Variants in SNX24 observed in about 807,000 individuals in gnomAD.
The protein encoded by SNX24 is sorting nexin 24, also known as sorting nexin-24.
In SNX24, 22 loss-of-function variants were observed where a neutral mutation model predicts 28.7. That is an observed-to-expected ratio of 0.77 (90% CI 0.55 to 1.10). The LOEUF is 1.10. Ranked by LOEUF, SNX24 falls within the 50% of genes least tolerant of loss-of-function variation. SNX24 has a pLI of 0.00. For synonymous variants in SNX24, 69 were observed against 71.5 expected (o/e 0.96, Z 0.18); for missense variants, 221 against 201.1 (o/e 1.10, Z -0.60).
intron 3 of SNX24, among the ~76,000 whole-genome samples, chr5:122,947,076 G>A (rs1340412566): frequency 6.6e-6 from 1 of 152,154 alleles, no homozygotes; most frequent in African/African-American, 2.4e-5. Flanking sequence ...GGGGAATCTT[G>A]GCTCTTAAAA....
intron 1 of SNX24, among the ~76,000 whole-genome samples, chr5:122,929,680 A>G (rs1327024090): frequency 6.6e-6 from 1 of 152,106 alleles, no homozygotes; most frequent in Non-Finnish European, 1.5e-5. Context: ...ATGCTTTGAC[A>G]CTATCACTAA....
chr5:122,984,536 C>T (rs1412030002), intron 3 of SNX24, among the ~76,000 whole-genome samples: 2 of 152,164 alleles, frequency 1.3e-5, no homozygotes, highest in Non-Finnish European at 2.9e-5. Context: ...TGTCAATCAG[C>T]CCTCAGGAGT....
chr5:122,882,306 A>T (rs1281750484), intron 1 of SNX24, among the ~76,000 whole-genome samples: 1 of 152,144 alleles, frequency 6.6e-6, no homozygotes, highest in Non-Finnish European at 1.5e-5. Context: ...TAGCATTAGG[A>T]TGCCTCTACT....
chr5:123,018,853 AT>A (rs1762723719), intron 5 of SNX24, among the ~76,000 whole-genome samples: 1 of 151,974 alleles, frequency 6.6e-6, no homozygotes, highest in Non-Finnish European at 1.5e-5. Flanking sequence ...TGCCCTGCTA[AT>A]TTTTGTATTT....
rs758617172 is a variant in SNX24 at position 122,884,251 on chromosome 5, C to CTTTTTT, written c.60+38573_60+38578dup. Among the ~76,000 whole-genome samples, 581 of 92,510 alleles carry CTTTTTT rather than the reference C, an allele frequency of 6.3e-3. 3 individuals carry two copies. The highest frequency in any genetic ancestry group is 0.024 in the Middle Eastern group (4 of 164). 60.7% of individuals were successfully genotyped at this position (92,510 alleles called of 152,430 possible). A position where few individuals can be genotyped will look rare whatever the true frequency, so the allele number is the denominator to read the frequency against. ...TAATTACCCTCAATTGTTTCTTTTT[C>CTTTTTT]TTTTTTTTTTTTTTTTTTTTCAGAC... is the stretch of plus-strand genomic sequence containing the variant. On this transcript the variant is annotated intron_variant, in intron 1 of 6. Coordinates refer to ENST00000261369, the MANE Select transcript of SNX24 (RefSeq NM_014035.4).
intron 1 of SNX24, among the ~76,000 whole-genome samples, chr5:122,866,648 TACTA>T (rs1366357465): frequency 1.3e-5 from 2 of 152,292 alleles, no homozygotes; most frequent in East Asian, 3.9e-4. Context: ...GTAATATTAA[TACTA>T]TGCTTGAAGG....
chr5:123,001,490 T>TTA, intron 5 of SNX24, 53 bp downstream of exon 5: 1 of 1,238,244 alleles, frequency 8.1e-7, no homozygotes, highest in Non-Finnish European at 1.2e-6. Flanking sequence ...TGCTAAATGT[T>TTA]TAATCACCTA....
chr5:122,944,722 C>A (rs1373842657), intron 2 of SNX24, among the ~76,000 whole-genome samples: 2 of 152,090 alleles, frequency 1.3e-5, no homozygotes, highest in East Asian at 3.8e-4. Context: ...GTACATGGGC[C>A]CCTTCTTCGT....
chr5:122,910,336 A>G (rs1266239115), intron 1 of SNX24, among the ~76,000 whole-genome samples: 1 of 152,066 alleles, frequency 6.6e-6, no homozygotes, highest in Admixed American at 6.6e-5. Flanking sequence ...TTTCATTTTT[A>G]CTTTTGAAAT....
chr5:122,958,544 C>T (rs1331632578), intron 3 of SNX24, among the ~76,000 whole-genome samples: 1 of 152,006 alleles, frequency 6.6e-6, no homozygotes. Flanking sequence ...GTGTGAGCCA[C>T]CATGCCTGAC....
chr5:123,015,354 G>A (rs1762661564), intron 5 of SNX24, among the ~76,000 whole-genome samples: 1 of 152,202 alleles, frequency 6.6e-6, no homozygotes, highest in South Asian at 2.1e-4. Context: ...GGTGTGATTT[G>A]TTACATCCTC....
chr5:123,024,880 A>G (rs953583253), intron 5 of SNX24, among the ~76,000 whole-genome samples: 5 of 152,174 alleles, frequency 3.3e-5, no homozygotes, highest in African/African-American at 1.2e-4. Flanking sequence ...CTTTACAGTA[A>G]CCAGTTTAGG....
intron 1 of SNX24, among the ~76,000 whole-genome samples, chr5:122,873,760 CTTTT>C (rs909560379): frequency 1.7e-5 from 2 of 120,640 alleles, no homozygotes; most frequent in Non-Finnish European, 3.5e-5. Flanking sequence ...CAAAGGGAAT[CTTTT>C]TTTTTTTTTT....
intron 1 of SNX24, among the ~76,000 whole-genome samples, chr5:122,868,369 G>T (rs1222937872): frequency 6.6e-6 from 1 of 152,148 alleles, no homozygotes; most frequent in Non-Finnish European, 1.5e-5. Flanking sequence ...TAACTTGGTG[G>T]CCCATGGTTA....
chr5:122,922,195 A>G (rs973548653), intron 1 of SNX24, among the ~76,000 whole-genome samples: 1 of 152,210 alleles, frequency 6.6e-6, no homozygotes, highest in Non-Finnish European at 1.5e-5. Flanking sequence ...AGATAACTTT[A>G]GTATTTAAAG....
At chr5:122,917,583 A>C (rs1434702872) in intron 1 of SNX24, among the ~76,000 whole-genome samples, 1 of 152,164 alleles carries the variant, frequency 6.6e-6, no homozygotes, top group Admixed American at 6.5e-5. Context: ...GTTTGGTTTT[A>C]AGTTTGCAGC....
intron 3 of SNX24, among the ~76,000 whole-genome samples, chr5:122,961,544 A>G (rs760227656): frequency 6.6e-6 from 1 of 152,228 alleles, no homozygotes; most frequent in Admixed American, 6.5e-5. Context: ...AGTACTTAAC[A>G]GTACCGTCCT....
At chr5:122,976,950 T>C (rs756195696) in intron 3 of SNX24, among the ~76,000 whole-genome samples, 11 of 152,228 alleles carry the variant, frequency 7.2e-5, no homozygotes, top group Admixed American at 4.6e-4. Flanking sequence ...TTTCACATTC[T>C]CTGATTTACA....
intron 3 of SNX24, among the ~76,000 whole-genome samples, chr5:122,967,614 C>T (rs565267557): frequency 3.7e-4 from 57 of 152,242 alleles, no homozygotes; most frequent in Middle Eastern, 3.4e-3. Flanking sequence ...CCATTTAGAC[C>T]GATAACAGTA....
Sources: allele counts gnomAD v4.1 joint callset (sites outside exome capture counted in the v4.1 genomes callset), GRCh38; gene constraint gnomAD v4.1.1; transcripts MANE v1.5; gene names NCBI Gene and HGNC (gene_info 2026-07-23, HGNC 2026-07-21).